The following SVIL variants were observed in gnomAD, a reference collection of about 807,000 sequenced individuals.
The protein encoded by SVIL is supervillin, also known as archvillin.
Under a neutral mutation model 240.4 loss-of-function variants are expected in SVIL, and 101 were observed. The ratio of observed to expected loss-of-function variants is 0.42; its 90% confidence interval spans 0.36 to 0.50. The LOEUF (loss-of-function observed/expected upper bound fraction) is 0.50, where lower values mean the gene tolerates loss of function less well. SVIL is among the 20% of genes least tolerant of loss of function. The pLI is 0.01. For synonymous variants in SVIL, 999 were observed against 1,100.0 expected, an observed-to-expected ratio of 0.91 and a Z score of 1.82; for missense variants, 2,512 against 2,818.7, an observed-to-expected ratio of 0.89 and a Z score of 2.46.
At chr10:29,657,039 A>G (rs2133027321) in intron 3 of SVIL, among the ~76,000 whole-genome samples, 1 of 152,308 alleles carries the variant, frequency 6.6e-6, no homozygotes, top group East Asian at 1.9e-4. Flanking sequence ...ATTGAAAGAG[A>G]GGTTACATGT....
chr10:29,662,859 C>T (rs779173858), intron 2 of SVIL, among the ~76,000 whole-genome samples: 6 of 152,144 alleles, frequency 3.9e-5, no homozygotes, highest in Non-Finnish European at 8.8e-5. Flanking sequence ...GCCTGTAATC[C>T]CAGCACTCTG....
chr10:29,721,157 A>C (rs569549370), intron 1 of SVIL, among the ~76,000 whole-genome samples: 3 of 152,246 alleles, frequency 2.0e-5, no homozygotes, highest in Non-Finnish European at 1.5e-5. Flanking sequence ...TTATACTGTA[A>C]ATCTTAAAGC....
intron 1 of SVIL, among the ~76,000 whole-genome samples, chr10:29,727,292 A>G (rs891552133): frequency 7.9e-5 from 12 of 152,258 alleles, no homozygotes; most frequent in Admixed American, 7.8e-4. Context: ...TGTGTGCTCC[A>G]GTCTGTACTA....
At chr10:29,589,071 G>A (rs915731783) in intron 1 of SVIL, among the ~76,000 whole-genome samples, 1 of 152,214 alleles carries the variant, frequency 6.6e-6, no homozygotes, top group African/African-American at 2.4e-5. Context: ...GGATTGAGAT[G>A]CCTCGGTGAC....
intron 7 of SVIL, among the ~76,000 whole-genome samples, chr10:29,534,955 A>T (rs1452564428): frequency 6.6e-6 from 1 of 152,194 alleles, no homozygotes; most frequent in Non-Finnish European, 1.5e-5. Context: ...AAAAGCAAAG[A>T]GGGCTTTTGG....
rs115801563 is a variant in SVIL, at chr10:29,607,683, A to T, written c.-201+26737T>A. The stretch of plus-strand genomic sequence containing the variant: ...CTGTTTGGAGGTACAGCTTTCCACA[A>T]TGCCAACGTCTTGCTCTCTGCCTGA... On this transcript the variant is annotated intron_variant, in intron 1 of 37. Coordinates refer to ENST00000355867, the MANE Select transcript of SVIL (RefSeq NM_021738.3). Among the ~76,000 whole-genome samples the T allele has an allele frequency of 3.3e-3, 505 of 152,306 alleles. 1 individual carries two copies. The highest frequency in any genetic ancestry group is 0.011 in the African/African-American group (476 of 41,568).
At chr10:29,520,603 C>T (rs1950497404) in intron 16 of SVIL, among the ~76,000 whole-genome samples, 1 of 152,158 alleles carries the variant, frequency 6.6e-6, no homozygotes, top group African/African-American at 2.4e-5. Context: ...GTTCAAGAAG[C>T]TTGGCTTAAA....
intron 1 of SVIL, among the ~76,000 whole-genome samples, chr10:29,722,726 C>T (rs1272536788): frequency 1.3e-5 from 2 of 152,168 alleles, no homozygotes; most frequent in Non-Finnish European, 2.9e-5. Context: ...GCACTAAAAA[C>T]TCCAACCCTA....
chr10:29,582,433 G>A (rs776041901), intron 1 of SVIL, among the ~76,000 whole-genome samples: 2 of 151,964 alleles, frequency 1.3e-5, no homozygotes, highest in South Asian at 2.1e-4. Flanking sequence ...ATGATGTGAC[G>A]AATAAACATA....
chr10:29,522,731 G>A (rs1385800431), intron 15 of SVIL, 96 bp from the exon 16 acceptor site: 24 of 1,364,138 alleles, frequency 1.8e-5, no homozygotes, highest in Middle Eastern at 2.6e-4. Flanking sequence ...GGTTCAATCC[G>A]TGGGCACACG....
intron 1 of SVIL, among the ~76,000 whole-genome samples, chr10:29,572,846 T>C (rs1218057532): frequency 1.3e-5 from 2 of 151,776 alleles, no homozygotes; most frequent in Non-Finnish European, 2.9e-5. Context: ...GACATGTTGA[T>C]AAATAATCCT....
At position 29,572,763 on chromosome 10, in the gene SVIL, C is replaced by CAAAAAAAA. The variant is rs375180538; in HGVS notation, c.-200-3459_-200-3452dup. 1.8e-4 allele frequency among the ~76,000 whole-genome samples: 15 copies of CAAAAAAAA among 81,168 alleles called. 1 individual carries two copies. Among genetic ancestry groups the CAAAAAAAA allele is most frequent in the African/African-American group, 3.3e-4 (7 of 21,072 alleles). 53.2% of individuals were successfully genotyped at this position (81,168 alleles called of 152,430 possible). A position where few individuals can be genotyped will look rare whatever the true frequency, so the allele number is the denominator to read the frequency against. On this transcript the variant is annotated intron_variant, in intron 1 of 37. Coordinates refer to ENST00000355867, the MANE Select transcript of SVIL (RefSeq NM_021738.3). Reference sequence around the variant, plus strand: ...TAGGCAACAGAGTGAGATCCTATCTCAAAAAAAAAAAAAAAAAAGAAAAAG... The same window carrying CAAAAAAAA: ...TAGGCAACAGAGTGAGATCCTATCTCAAAAAAAAAAAAAAAAAAAAAAAAAAGAAAAAG...
At chr10:29,727,924 T>C (rs1014168434) in intron 1 of SVIL, among the ~76,000 whole-genome samples, 3 of 152,164 alleles carry the variant, frequency 2.0e-5, no homozygotes, top group Non-Finnish European at 4.4e-5. Context: ...ACTACCATCC[T>C]ACTCTATTAC....
intron 3 of SVIL, chr10:29,644,025 C>A (rs1313629306): frequency 1.9e-6 from 1 of 518,422 alleles, no homozygotes. Context: ...TGAGAGTAAT[C>A]AGAGATGTAC....
At chr10:29,645,866 T>C (rs1958637605) in intron 3 of SVIL, among the ~76,000 whole-genome samples, 1 of 152,324 alleles carries the variant, frequency 6.6e-6, no homozygotes, top group African/African-American at 2.4e-5. Context: ...GTTAGTGGGA[T>C]AGTGGGTGCA....
At chr10:29,707,551 T>C (rs1472055016) in intron 1 of SVIL, among the ~76,000 whole-genome samples, 3 of 152,172 alleles carry the variant, frequency 2.0e-5, no homozygotes, top group Non-Finnish European at 2.9e-5. Flanking sequence ...CAAATTTCTA[T>C]TAATTCCTAC....
chr10:29,512,730 G>GT lies in SVIL; in HGVS notation c.3516+4dup. 6.2e-7 allele frequency: 1 copy of GT among 1,614,040 alleles called. No homozygotes were observed. Among genetic ancestry groups the GT allele is most frequent in the Admixed American group, 1.7e-5 (1 of 60,026 alleles). On this transcript the variant is annotated splice_donor_region_variant and intron_variant, in intron 17 of 37. Transcript: ENST00000355867. ...GAAGGCTTTTCCTAACATGGGGAATGTTACCTTCTTGATGAGGGACCGCCC... is the reference window on the plus strand; with the variant it reads ...GAAGGCTTTTCCTAACATGGGGAATGTTTACCTTCTTGATGAGGGACCGCCC...
chr10:29,681,210 G>C (rs1229407096), intron 2 of SVIL, among the ~76,000 whole-genome samples: 2 of 152,134 alleles, frequency 1.3e-5, no homozygotes, highest in East Asian at 3.9e-4. Flanking sequence ...TGTGGGAAGA[G>C]AAGAGGATGA....
At chr10:29,556,582 C>G (rs1448080903) in intron 3 of SVIL, among the ~76,000 whole-genome samples, 1 of 152,038 alleles carries the variant, frequency 6.6e-6, no homozygotes, top group East Asian at 1.9e-4. Context: ...TAGCCGGCTT[C>G]AAAAAAACAA....
Sources: gnomAD v4.1 joint callset for allele counts (sites outside exome capture counted in the v4.1 genomes callset) on GRCh38, gnomAD v4.1.1 for gene constraint, MANE v1.5 for transcripts, NCBI Gene and HGNC (gene_info 2026-07-23, HGNC 2026-07-21) for gene names.